The following EYS variants were observed in gnomAD, a reference collection of about 807,000 sequenced individuals.
EYS encodes the protein EGF-like photoreceptor maintenance factor.
EYS carries 250 observed loss-of-function variants against 282.1 expected under a neutral mutation model. That is an observed-to-expected ratio of 0.89 (90% CI 0.80 to 0.98). The LOEUF (loss-of-function observed/expected upper bound fraction) is 0.98, where lower values mean the gene tolerates loss of function less well. EYS is among the 50% of genes least tolerant of loss of function. The pLI is 0.00. For synonymous variants in EYS, 1,355 were observed against 1,282.9 expected, an observed-to-expected ratio of 1.06 and a Z score of -1.20; for missense variants, 4,016 against 3,709.0, an observed-to-expected ratio of 1.08 and a Z score of -2.15.
At chr6:64,540,357 C>T (rs1444468004) in intron 26 of EYS, among the ~76,000 whole-genome samples, 1 of 152,046 alleles carries the variant, frequency 6.6e-6, no homozygotes, top group Non-Finnish European at 1.5e-5. Flanking sequence ...ACCATGGTAA[C>T]AGACGCCTGT....
intron 26 of EYS, among the ~76,000 whole-genome samples, chr6:64,535,476 G>A (rs773803506): frequency 3.3e-5 from 5 of 151,954 alleles, no homozygotes; most frequent in East Asian, 1.9e-4. Flanking sequence ...AGTGGCTCAC[G>A]CCTATAATCA....
chr6:63,997,166 T>C (rs1350596574), intron 34 of EYS, among the ~76,000 whole-genome samples: 2 of 152,328 alleles, frequency 1.3e-5, no homozygotes, highest in African/African-American at 2.4e-5. Flanking sequence ...TATATCTTTA[T>C]TCCACAAACC....
At chr6:64,403,510 C>A (rs989096722) in intron 28 of EYS, among the ~76,000 whole-genome samples, 11 of 152,050 alleles carry the variant, frequency 7.2e-5, no homozygotes, top group Non-Finnish European at 1.2e-4. Context: ...GCATGTGGCA[C>A]CACGCCCGGC....
At chr6:64,780,423 C>G (rs1000653282) in intron 22 of EYS, among the ~76,000 whole-genome samples, 1 of 152,016 alleles carries the variant, frequency 6.6e-6, no homozygotes, top group Non-Finnish European at 1.5e-5. Context: ...AACAGAAAAT[C>G]AAATACTACA....
intron 31 of EYS, among the ~76,000 whole-genome samples, chr6:64,126,094 T>C (rs1562214223): frequency 1.3e-5 from 2 of 152,058 alleles, no homozygotes; most frequent in African/African-American, 2.4e-5. Flanking sequence ...GATTGTAAAC[T>C]AGTTGTTGGT....
At chr6:64,451,890 A>C (rs1317804867) in intron 26 of EYS, among the ~76,000 whole-genome samples, 2 of 152,202 alleles carry the variant, frequency 1.3e-5, no homozygotes, top group Non-Finnish European at 2.9e-5. Context: ...TGACAAACCC[A>C]CAGCCAATAT....
chr6:64,653,436 T>C (rs918018619), intron 22 of EYS, among the ~76,000 whole-genome samples: 7 of 152,212 alleles, frequency 4.6e-5, no homozygotes, highest in Non-Finnish European at 8.8e-5. Context: ...TCTCAGTTAT[T>C]GGGAATATAT....
intron 26 of EYS, among the ~76,000 whole-genome samples, chr6:64,555,162 T>C (rs1241872015): frequency 6.6e-6 from 1 of 151,858 alleles, no homozygotes; most frequent in Admixed American, 6.6e-5. Context: ...CATATAAATA[T>C]GTATATCTAG....
chr6:64,988,562 T>C (rs1280392152), intron 14 of EYS, among the ~76,000 whole-genome samples: 1 of 151,494 alleles, frequency 6.6e-6, no homozygotes, highest in African/African-American at 2.4e-5. Flanking sequence ...CCTCCTTCTC[T>C]CCCTCTTTCT....
intron 33 of EYS, among the ~76,000 whole-genome samples, chr6:64,021,162 A>G (rs1000542764): frequency 6.6e-6 from 1 of 151,882 alleles, no homozygotes; most frequent in Admixed American, 6.6e-5. Context: ...CAAGGGAAAA[A>G]AAAAAAGCCT....
chr6:64,133,717 G>A (rs1202762113), intron 31 of EYS, among the ~76,000 whole-genome samples: 1 of 151,764 alleles, frequency 6.6e-6, no homozygotes, highest in Non-Finnish European at 1.5e-5. Context: ...CTTTTCCCTA[G>A]AACCATTTCT....
chr6:65,636,201 A>T (rs779316642), intron 2 of EYS, among the ~76,000 whole-genome samples: 14 of 152,142 alleles, frequency 9.2e-5, no homozygotes, highest in Admixed American at 4.6e-4. Flanking sequence ...TCTGCGCAAA[A>T]TTTTTCAATG....
intron 12 of EYS, among the ~76,000 whole-genome samples, chr6:65,145,213 C>A (rs758573938): frequency 6.6e-6 from 1 of 151,866 alleles, no homozygotes; most frequent in Non-Finnish European, 1.5e-5. Context: ...TCCACTACTA[C>A]TAATTTATTT....
intron 2 of EYS, among the ~76,000 whole-genome samples, chr6:65,563,724 G>T (rs1172145436): frequency 1.3e-5 from 2 of 152,038 alleles, no homozygotes; most frequent in Non-Finnish European, 2.9e-5. Flanking sequence ...AGGTAGATAG[G>T]CAGATAATAG....
chr6:64,414,522 A>C (rs1774005320), intron 28 of EYS, among the ~76,000 whole-genome samples: 1 of 152,208 alleles, frequency 6.6e-6, no homozygotes, highest in African/African-American at 2.4e-5. Context: ...CATTTGGCCA[A>C]ACATAGAAGA....
intron 1 of EYS, among the ~76,000 whole-genome samples, chr6:65,646,930 A>G (rs1464207898): frequency 6.6e-6 from 1 of 151,674 alleles, no homozygotes; most frequent in Non-Finnish European, 1.5e-5. Flanking sequence ...CATAAAAAAT[A>G]AAATACTTCA....
At chr6:65,332,227 AT>A (rs1213527616) in intron 11 of EYS, 9 of 586,292 alleles carry the variant, frequency 1.5e-5, no homozygotes, top group East Asian at 8.5e-5. Flanking sequence ...CTGTAATACA[AT>A]TTTTTTCTCC....
At chr6:65,313,882 C>T (rs1339276856) in intron 11 of EYS, among the ~76,000 whole-genome samples, 1 of 152,076 alleles carries the variant, frequency 6.6e-6, no homozygotes, top group Non-Finnish European at 1.5e-5. Context: ...CAAGAGCTTC[C>T]CACATTAATA....
At chr6:64,451,236 T>C (rs79703286) in intron 26 of EYS, among the ~76,000 whole-genome samples, 42,131 of 152,000 alleles carry the variant, frequency 0.28, 5,964 homozygotes, top group East Asian at 0.46. Flanking sequence ...AACACCTCTA[T>C]GCAAATAAAC....
Sources: allele counts gnomAD v4.1 joint callset (sites outside exome capture counted in the v4.1 genomes callset), GRCh38; gene constraint gnomAD v4.1.1; transcripts MANE v1.5; gene names NCBI Gene and HGNC (gene_info 2026-07-23, HGNC 2026-07-21).